SRPX: variants seen among roughly 807,000 people sequenced by gnomAD.
The protein encoded by SRPX is sushi repeat containing protein X-linked.
Under a neutral mutation model 38.1 loss-of-function variants are expected in SRPX, and 24 were observed. That is an observed-to-expected ratio of 0.63 (90% confidence interval 0.46 to 0.89). The LOEUF (loss-of-function observed/expected upper bound fraction) is 0.89, where lower values mean the gene tolerates loss of function less well. SRPX is among the 40% of genes least tolerant of loss of function. The pLI, the probability that SRPX is intolerant of heterozygous loss-of-function variation, is 0.00. For missense variants in SRPX, 416 were observed against 377.8 expected (o/e 1.10, Z -0.84); for synonymous variants, 184 against 153.8 (o/e 1.20, Z -1.45).
intron 2 of SRPX, among the ~76,000 whole-genome samples, 153 bp downstream of exon 2, chrX:38,178,132 A>G (rs1480846529): frequency 1.8e-5 from 2 of 111,690 alleles, no homozygotes; most frequent in East Asian, 5.6e-4. Flanking sequence ...TTTTTAAAAA[A>G]GGGAGTATAT....
At position 38,220,827 on chromosome X, in the gene SRPX, G is replaced by C; in HGVS notation, c.-35C>G. The C allele has an allele frequency of 9.4e-7, 1 of 1,066,135 alleles. No homozygotes were observed. The allele number at this position is 1,066,135 out of a possible 1,213,427, so 87.9% of individuals were successfully genotyped here. On this transcript the variant is annotated 5_prime_UTR_variant, in exon 1 of 10. Transcript: ENST00000378533. The stretch of plus-strand genomic sequence containing the variant: ...GCGCTTAGCTCGCCTCGGCAGCGCA[G>C]CGCGCTTCCCGGGGGCGGCAGGAGA...
chrX:38,200,702 C>A (rs989536637), intron 1 of SRPX, among the ~76,000 whole-genome samples: 1 of 111,475 alleles, frequency 9.0e-6, no homozygotes, highest in African/African-American at 3.3e-5. Context: ...AACTAACAAC[C>A]CACTCCTGCT....
intron 1 of SRPX, among the ~76,000 whole-genome samples, chrX:38,190,731 C>T (rs1347102201): frequency 8.9e-6 from 1 of 111,834 alleles, no homozygotes; most frequent in Non-Finnish European, 1.9e-5. Flanking sequence ...TGAGGCTACA[C>T]CCCAGCACAC....
At chrX:38,186,386 G>A (rs1483176590) in intron 1 of SRPX, among the ~76,000 whole-genome samples, 1 of 112,038 alleles carries the variant, frequency 8.9e-6, no homozygotes, top group Non-Finnish European at 1.9e-5. Flanking sequence ...CCTCATGAGA[G>A]ACCTTGAGCC....
At chrX:38,190,213 T>C (rs1938874084) in intron 1 of SRPX, among the ~76,000 whole-genome samples, 1 of 111,965 alleles carries the variant, frequency 8.9e-6, no homozygotes, top group Non-Finnish European at 1.9e-5. Context: ...TTGCCAGCTG[T>C]AGATTGATAT....
At chrX:38,208,902 G>T (rs1463712967) in intron 1 of SRPX, among the ~76,000 whole-genome samples, 1 of 99,236 alleles carries the variant, frequency 1.0e-5, no homozygotes, top group East Asian at 3.1e-4. Context: ...GCCCAGGCTG[G>T]TCTCAAACTC....
At chrX:38,157,141 A>C in intron 7 of SRPX, 112 bp from the exon 8 acceptor site, 1 of 961,586 alleles carries the variant, frequency 1.0e-6, no homozygotes, top group Middle Eastern at 3.1e-4. Context: ...TGAGATAAGG[A>C]TTCAAGTGTA....
At chrX:38,200,921 T>C (rs1378125489) in intron 1 of SRPX, among the ~76,000 whole-genome samples, 1 of 112,081 alleles carries the variant, frequency 8.9e-6, no homozygotes, top group Non-Finnish European at 1.9e-5. Context: ...TTTATTGATA[T>C]TAGCTCATTT....
chrX:38,193,593 T>C (rs9943013), intron 1 of SRPX, among the ~76,000 whole-genome samples: 5 of 112,100 alleles, frequency 4.5e-5, no homozygotes, highest in African/African-American at 1.6e-4. Flanking sequence ...ACCCAAAAAT[T>C]TTCCTCAAAT....
At chrX:38,185,597 G>C (rs754165863) in intron 1 of SRPX, among the ~76,000 whole-genome samples, 2 of 111,523 alleles carry the variant, frequency 1.8e-5, no homozygotes, top group African/African-American at 6.5e-5. Flanking sequence ...CCCTTAGAGA[G>C]ATTAAGGGTA....
intron 1 of SRPX, among the ~76,000 whole-genome samples, chrX:38,215,135 A>G (rs1274438186): frequency 8.9e-6 from 1 of 112,168 alleles, no homozygotes; most frequent in Non-Finnish European, 1.9e-5. Context: ...GTTTGGATCT[A>G]TTACTCAGAA....
intron 1 of SRPX, among the ~76,000 whole-genome samples, chrX:38,197,783 A>G (rs1350132403): frequency 8.9e-6 from 1 of 112,645 alleles, no homozygotes. Context: ...CTCAATGGTC[A>G]TCCCATGGAT....
chrX:38,206,149 G>C (rs988519271), intron 1 of SRPX, among the ~76,000 whole-genome samples: 5 of 112,795 alleles, frequency 4.4e-5, no homozygotes, highest in African/African-American at 1.6e-4. Context: ...TCCTGCTGGA[G>C]AGTAAGGCAA....
intron 1 of SRPX, among the ~76,000 whole-genome samples, chrX:38,213,049 T>C (rs1939359808): frequency 8.9e-6 from 1 of 112,746 alleles, no homozygotes; most frequent in African/African-American, 3.2e-5. Context: ...ATTGGCTGAC[T>C]CTGGCTAGTA....
intron 1 of SRPX, among the ~76,000 whole-genome samples, chrX:38,208,176 G>C (rs969834811): frequency 9.9e-5 from 11 of 111,282 alleles, no homozygotes; most frequent in African/African-American, 3.6e-4. Flanking sequence ...CTTTATAATT[G>C]AGGTAAACAT....
intron 1 of SRPX, among the ~76,000 whole-genome samples, chrX:38,198,267 G>A (rs1430304168): frequency 2.7e-5 from 3 of 111,511 alleles, no homozygotes; most frequent in Non-Finnish European, 5.7e-5. Flanking sequence ...AAGGATCTAC[G>A]GCTTTCAATC....
chrX:38,178,149 A>T lies in SRPX; in HGVS notation c.157+136T>A, dbSNP rs774158946. 360 of 369,710 alleles carry T rather than the reference A, an allele frequency of 9.7e-4. 1 individual carries two copies. The highest frequency in any genetic ancestry group is 3.5e-3 in the African/African-American group (135 of 38,238). 30.5% of individuals were successfully genotyped at this position (369,710 alleles called of 1,213,427 possible). On this transcript the variant is annotated intron_variant, in intron 2 of 9. Transcript: ENST00000378533. ...TTTAAAAAAGGGAGTATATATATAT[A>T]TTTTTTTTTCCTTGATAGATAATTA...
chrX:38,155,992 T>C (rs191232965), intron 8 of SRPX, among the ~76,000 whole-genome samples: 4 of 112,445 alleles, frequency 3.6e-5, no homozygotes, highest in Non-Finnish European at 3.8e-5. Flanking sequence ...CTTATTATTA[T>C]CCATTTTATT....
chrX:38,198,266 C>T (rs563934723), intron 1 of SRPX, among the ~76,000 whole-genome samples: 5 of 111,738 alleles, frequency 4.5e-5, no homozygotes, highest in East Asian at 2.8e-4. Context: ...AAAGGATCTA[C>T]GGCTTTCAAT....
Sources: gnomAD v4.1 joint callset for allele counts (sites outside exome capture counted in the v4.1 genomes callset) on GRCh38, gnomAD v4.1.1 for gene constraint, MANE v1.5 for transcripts, NCBI Gene and HGNC (gene_info 2026-07-23, HGNC 2026-07-21) for gene names.